The following ACSL1 variants were observed in gnomAD, a reference collection of about 807,000 sequenced individuals.
The protein encoded by ACSL1 is acyl-CoA synthetase long chain family member 1.
ACSL1 carries 41 observed loss-of-function variants against 98.4 expected under a neutral mutation model. That is an observed-to-expected ratio of 0.42 (90% CI 0.32 to 0.54). The LOEUF is 0.54. ACSL1 is among the 20% of genes least tolerant of loss of function. The pLI, the probability that ACSL1 is intolerant of heterozygous loss-of-function variation, is 0.13. For synonymous variants in ACSL1, 316 were observed against 322.7 expected (o/e 0.98, Z 0.22); for missense variants, 734 against 883.1 (o/e 0.83, Z 2.14).
At chr4:184,781,016 A>T (rs62338202) in intron 4 of ACSL1, among the ~76,000 whole-genome samples, 39,604 of 151,730 alleles carry the variant, frequency 0.26, 5,314 homozygotes, top group Middle Eastern at 0.35. Flanking sequence ...AGGCAGGCAG[A>T]TCACTTGAGG....
intron 1 of ACSL1, among the ~76,000 whole-genome samples, chr4:184,810,710 T>A (rs547604355): frequency 1.3e-5 from 2 of 151,914 alleles, no homozygotes; most frequent in East Asian, 3.9e-4. Context: ...GAACAAACGA[T>A]AGGGCTCAAG....
Position 184,766,878 on chromosome 4 carries a change from A to G in ACSL1, c.1129-122T>C. 8.5e-7 allele frequency: 1 copy of G among 1,171,256 alleles called. No individual in the cohort carries two copies. The highest frequency in any genetic ancestry group is 1.2e-6 in the Non-Finnish European group (1 of 848,338). The allele number at this position is 1,171,256 out of a possible 1,614,324, so 72.6% of individuals were successfully genotyped here. A position where few individuals can be genotyped will look rare whatever the true frequency, so the allele number is the denominator to read the frequency against. Reference sequence around the variant, plus strand: ...CACAAAATGGCACAGCTGCTCTGACAGCCTGGCCGGTCCTCTAACGGCCCC... The same window carrying G: ...CACAAAATGGCACAGCTGCTCTGACGGCCTGGCCGGTCCTCTAACGGCCCC... On this transcript the variant is annotated intron_variant, in intron 12 of 20. Coordinates refer to ENST00000281455, the MANE Select transcript of ACSL1 (RefSeq NM_001995.5). This position sits in a 1 kb window ranked among gnomAD's most constrained non-coding sequence, Gnocchi z 4.8.
intron 2 of ACSL1, among the ~76,000 whole-genome samples, chr4:184,790,068 T>C (rs7659849): frequency 0.25 from 37,797 of 151,790 alleles, 5,779 homozygotes; most frequent in Non-Finnish European, 0.34. Context: ...AAAAGAAGTG[T>C]GGAAAAGCTA....
chr4:184,776,089 G>A (rs921312895), intron 7 of ACSL1, among the ~76,000 whole-genome samples: 13 of 152,208 alleles, frequency 8.5e-5, no homozygotes, highest in African/African-American at 2.2e-4. Flanking sequence ...GGAAAAGAAC[G>A]ATGAGGCTGA....
intron 1 of ACSL1, among the ~76,000 whole-genome samples, chr4:184,819,596 C>T (rs575229662): frequency 1.3e-5 from 2 of 151,942 alleles, no homozygotes; most frequent in Non-Finnish European, 2.9e-5. Context: ...GGTACAGTGT[C>T]TTGGGTACAC....
At chr4:184,780,978 C>T (rs941664774) in intron 4 of ACSL1, among the ~76,000 whole-genome samples, 1 of 151,724 alleles carries the variant, frequency 6.6e-6, no homozygotes, top group African/African-American at 2.4e-5. Flanking sequence ...GTGGTTCACG[C>T]CTATAATCCC....
At chr4:184,809,752 C>T (rs530500713) in intron 1 of ACSL1, among the ~76,000 whole-genome samples, 39 of 152,172 alleles carry the variant, frequency 2.6e-4, no homozygotes, top group African/African-American at 8.2e-4. Context: ...GCTGAGATCG[C>T]GCCACTGCAC....
chr4:184,823,588 T>C (rs982772744), intron 1 of ACSL1, among the ~76,000 whole-genome samples: 1 of 152,196 alleles, frequency 6.6e-6, no homozygotes, highest in Non-Finnish European at 1.5e-5. Context: ...CAACCTTATC[T>C]TTTCTCAAAA....
chr4:184,822,839 C>A (rs1773173144), intron 1 of ACSL1, among the ~76,000 whole-genome samples: 1 of 152,122 alleles, frequency 6.6e-6, no homozygotes, highest in African/African-American at 2.4e-5. Context: ...TTATATACAA[C>A]CCAAGGCTTG....
intron 1 of ACSL1, among the ~76,000 whole-genome samples, chr4:184,817,200 T>C (rs537058274): frequency 1.3e-5 from 2 of 152,230 alleles, no homozygotes; most frequent in Admixed American, 6.6e-5. Context: ...GACAAATTCT[T>C]TCCTTTTTAA....
intron 2 of ACSL1, among the ~76,000 whole-genome samples, chr4:184,797,176 C>T (rs906433583): frequency 6.6e-6 from 1 of 152,192 alleles, no homozygotes; most frequent in African/African-American, 2.4e-5. Context: ...ACAGCGGGCC[C>T]CAGCCACTCA....
At chr4:184,813,908 G>A (rs1393057335) in intron 1 of ACSL1, 1 of 455,632 alleles carries the variant, frequency 2.2e-6, no homozygotes, top group East Asian at 7.0e-5. Context: ...ACGCAGAGAA[G>A]GTACCTAGAT....
At chr4:184,762,614 C>T (rs750431951) in intron 16 of ACSL1, 91 bp from the exon 17 acceptor site, 85 of 1,147,812 alleles carry the variant, frequency 7.4e-5, no homozygotes, top group Non-Finnish European at 1.0e-4. Flanking sequence ...TGTGTCTGCC[C>T]CAACCTTTAG....
chr4:184,787,554 G>T (rs935213843), intron 3 of ACSL1, among the ~76,000 whole-genome samples: 4 of 152,076 alleles, frequency 2.6e-5, no homozygotes, highest in African/African-American at 9.7e-5. Flanking sequence ...GTAGAAAGAG[G>T]CTTTATGATC....
chr4:184,757,781 G>A lies in ACSL1; in HGVS notation c.1884+38C>T. ...TATCTACAGGTACATTTAATGCCAA[G>A]TTATGATGAGGACAGACTGGACCCT... On this transcript the variant is annotated intron_variant, in intron 19 of 20. Coordinates refer to ENST00000281455, the MANE Select transcript of ACSL1 (RefSeq NM_001995.5). The surrounding 1 kb of genome is among the most constrained non-coding windows in gnomAD (Gnocchi z 4.5). 6 of 1,611,706 alleles carry A rather than the reference G, an allele frequency of 3.7e-6. No individual in the cohort carries two copies. Among genetic ancestry groups the A allele is most frequent in the Non-Finnish European group, 4.2e-6 (5 of 1,177,882 alleles).
rs923754058 is a variant in ACSL1 at position 184,755,635 on chromosome 4, T to A, written c.*1490A>T. On this transcript the variant is annotated 3_prime_UTR_variant, in exon 21 of 21. Coordinates refer to ENST00000281455, the MANE Select transcript of ACSL1 (RefSeq NM_001995.5). ...AAATATTTATTTTGGTTTCCTTCAT[T>A]GTTTTTGGAAATTTTGTTTTGGTTT... is the stretch of plus-strand genomic sequence containing the variant. 5 of 152,690 alleles carry A rather than the reference T, an allele frequency of 3.3e-5. No individual in the cohort carries two copies. The highest frequency in any genetic ancestry group is 1.3e-4 in the Admixed American group (2 of 15,282). The allele number at this position is 152,690 out of a possible 1,614,324, so 9.5% of individuals were successfully genotyped here.
At chr4:184,783,842 G>A in intron 4 of ACSL1, 85 bp downstream of exon 4, 1 of 1,305,930 alleles carries the variant, frequency 7.7e-7, no homozygotes, top group Admixed American at 1.8e-5. Flanking sequence ...ACACTCTGGA[G>A]AAACCTTCCG....
chr4:184,815,622 G>A (rs1772560576), intron 1 of ACSL1, among the ~76,000 whole-genome samples: 1 of 152,132 alleles, frequency 6.6e-6, no homozygotes, highest in Admixed American at 6.6e-5. Flanking sequence ...CAAAGGTTGG[G>A]TAGAGTTACT....
chr4:184,770,212 A>C, intron 11 of ACSL1, 187 bp downstream of exon 11: 1 of 1,491,888 alleles, frequency 6.7e-7, no homozygotes, highest in Non-Finnish European at 9.0e-7. Flanking sequence ...GGGGCTGAGC[A>C]GAGAATTCTC....
Sources: allele counts gnomAD v4.1 joint callset (sites outside exome capture counted in the v4.1 genomes callset), GRCh38; gene constraint gnomAD v4.1.1; non-coding constraint Gnocchi (gnomAD v3.1); transcripts MANE v1.5; gene names NCBI Gene and HGNC (gene_info 2026-07-23, HGNC 2026-07-21).